The following PDCL3 variants were observed in gnomAD, a reference collection of about 807,000 sequenced individuals.
PDCL3 encodes the protein phosducin-like protein 3.
Under a neutral mutation model 26.5 loss-of-function variants are expected in PDCL3, and 22 were observed. The ratio of observed to expected loss-of-function variants is 0.83; its 90% CI spans 0.59 to 1.19. The LOEUF (loss-of-function observed/expected upper bound fraction) is 1.19, where lower values mean the gene tolerates loss of function less well. PDCL3 is among the 50% of genes most tolerant of loss of function. The pLI, the probability that PDCL3 is intolerant of heterozygous loss-of-function variation, is 0.00. For synonymous variants in PDCL3, 81 were observed against 104.9 expected (o/e 0.77, Z 1.39); for missense variants, 246 against 294.1 (o/e 0.84, Z 1.20).
chr2:100,570,760 G>T (rs1187317791), intron 4 of PDCL3, among the ~76,000 whole-genome samples: 10 of 152,056 alleles, frequency 6.6e-5, no homozygotes, highest in Non-Finnish European at 5.9e-5. Flanking sequence ...ACAGGCGTTA[G>T]CCGCTGCACC....
At chr2:100,566,461 C>T (rs1675061854) in intron 1 of PDCL3, 42 bp from the exon 2 acceptor site, 2 of 1,607,374 alleles carry the variant, frequency 1.2e-6, no homozygotes, top group African/African-American at 1.3e-5. Flanking sequence ...ACCCTACATA[C>T]TAGACTTAGC....
Position 100,566,528 on chromosome 2 carries a change from A to G in PDCL3, c.32A>G (p.Asn11Ser), listed in dbSNP as rs1345180196. 3 of 1,613,036 alleles carry G rather than the reference A, an allele frequency of 1.9e-6. No individual in the cohort carries two copies. Among genetic ancestry groups the G allele is most frequent in the Non-Finnish European group, 2.5e-6 (3 of 1,179,862 alleles). Residue 11 changes from asparagine to serine, a missense_variant, in exon 2 of 6, where the codon AAT becomes AGT. Coordinates refer to ENST00000264254, the MANE Select transcript of PDCL3 (RefSeq NM_024065.5). ...GACCCCAACGCAGACACTGAATGGAATGACATCTTACGCAAAAAGGGTATC... is the reference window on the plus strand; with the variant it reads ...GACCCCAACGCAGACACTGAATGGAGTGACATCTTACGCAAAAAGGGTATC... MQDPNADTEW[N>S]DILRKKGILP...
At chr2:100,566,146 G>A (rs952205638) in intron 1 of PDCL3, among the ~76,000 whole-genome samples, 3 of 151,710 alleles carry the variant, frequency 2.0e-5, no homozygotes, top group South Asian at 2.1e-4. Context: ...CTCGTGATCC[G>A]CCTGCCTCAG....
In PDCL3 at chr2:100,569,719, A is replaced by G. The variant is rs374220238; in HGVS notation, c.366A>G (p.Gln122=). 5 of 1,609,030 alleles carry G rather than the reference A, an allele frequency of 3.1e-6. No homozygotes were observed. The African/African-American group carries it at 6.7e-5, about 22-fold the overall frequency. The change falls in exon 4 of 6, where the codon CAA becomes CAG. Residue 122 remains glutamine, a splice_region_variant and synonymous_variant. Coordinates refer to ENST00000264254, the MANE Select transcript of PDCL3 (RefSeq NM_024065.5). ...GLWVILHLYK[Q]GIPLCALINQ... is the part of the protein sequence containing the mutation. ...GGGTCATCTTGCACCTTTACAAACAAGGGTGAGCTGATCTTCCACTCCATC... is the reference window on the plus strand; with the variant it reads ...GGGTCATCTTGCACCTTTACAAACAGGGGTGAGCTGATCTTCCACTCCATC...
At chr2:100,568,564 G>A (rs1432301455) in intron 2 of PDCL3, among the ~76,000 whole-genome samples, 3 of 152,116 alleles carry the variant, frequency 2.0e-5, no homozygotes, top group Non-Finnish European at 2.9e-5. Flanking sequence ...TCTGGGAGGC[G>A]GAGGTTCTCA....
chr2:100,565,499 CT>C (rs1675045142), intron 1 of PDCL3, among the ~76,000 whole-genome samples: 1 of 151,858 alleles, frequency 6.6e-6, no homozygotes, highest in African/African-American at 2.4e-5. Context: ...TGCTCTCGAT[CT>C]CCTGACCTTG....
intron 5 of PDCL3, among the ~76,000 whole-genome samples, chr2:100,573,781 G>A (rs552509374): frequency 5.5e-4 from 83 of 151,828 alleles, no homozygotes; most frequent in Non-Finnish European, 1.0e-3. Flanking sequence ...GTTCAAAGGC[G>A]TACAGCATTT....
Position 100,576,444 on chromosome 2 carries a change from C to T in PDCL3, c.668C>T (p.Ser223Leu). 6.2e-7 allele frequency: 1 copy of T among 1,613,924 alleles called. No individual in the cohort carries two copies. The highest frequency in any genetic ancestry group is 8.5e-7 in the Non-Finnish European group (1 of 1,179,848). ...KKPIEDVLLS[S>L]VRRSVLMKRD... ...CCGATTGAAGACGTGTTGCTGTCCT[C>T]AGTGCGGCGCTCTGTCCTCATGAAG... Residue 223 changes from serine to leucine, a missense_variant, in exon 6 of 6, where the codon TCA becomes TTA. Transcript: ENST00000264254.
intron 2 of PDCL3, among the ~76,000 whole-genome samples, 154 bp downstream of exon 2, chr2:100,566,783 C>A (rs1675069938): frequency 6.6e-6 from 1 of 152,180 alleles, no homozygotes; most frequent in African/African-American, 2.4e-5. Flanking sequence ...TCACCTTCAC[C>A]TTCCTGAGCC....
chr2:100,563,584 G>T (rs1488268314), intron 1 of PDCL3: 1 of 152,710 alleles, frequency 6.5e-6, no homozygotes, highest in Non-Finnish European at 1.5e-5. Flanking sequence ...TGACCGCTCG[G>T]GTTCCAGAGC....
chr2:100,568,587 C>T (rs768345211), intron 2 of PDCL3, among the ~76,000 whole-genome samples: 32 of 152,050 alleles, frequency 2.1e-4, no homozygotes, highest in African/African-American at 6.8e-4. Flanking sequence ...GAGTCAAGAT[C>T]GCACCATTGC....
chr2:100,571,204 G>T (rs1012171030), intron 4 of PDCL3, among the ~76,000 whole-genome samples: 2 of 151,254 alleles, frequency 1.3e-5, no homozygotes, highest in Non-Finnish European at 2.9e-5. Flanking sequence ...GCCTGCCACT[G>T]CACCCAGCTA....
intron 5 of PDCL3, 117 bp downstream of exon 5, chr2:100,571,915 T>TGTATGAGTGACTGG: frequency 1.1e-6 from 1 of 943,030 alleles, no homozygotes. Flanking sequence ...CTTCTGCCTG[T>TGTATGAGTGACTGG]GTATGAGGAC....
rs111354317 is a variant in PDCL3, at chr2:100,575,415, A to T, written c.578-939A>T. Among the ~76,000 whole-genome samples, 9 of 151,984 alleles carry T rather than the reference A, an allele frequency of 5.9e-5. No individual in the cohort carries two copies. In the South Asian group the frequency reaches 1.9e-3, roughly 32 times the overall value. On this transcript the variant is annotated intron_variant, in intron 5 of 5. Coordinates refer to ENST00000264254, the MANE Select transcript of PDCL3 (RefSeq NM_024065.5). ...CTCCCAAAGTGCTGGGATTACAGGC[A>T]TGTGCCACCGCGCCCGGCCTGGTTT... is the stretch of plus-strand genomic sequence containing the variant.
At chr2:100,570,477 T>C (rs921069697) in intron 4 of PDCL3, among the ~76,000 whole-genome samples, 5 of 148,800 alleles carry the variant, frequency 3.4e-5, no homozygotes, top group African/African-American at 9.9e-5. Context: ...GGAATTTCTT[T>C]TTTTTTTTTT....
chr2:100,569,767 A>T (rs373243782), intron 4 of PDCL3, 46 bp downstream of exon 4: 13 of 1,584,448 alleles, frequency 8.2e-6, no homozygotes, highest in Non-Finnish European at 1.1e-5. Context: ...ATTTGAATTT[A>T]TGTCTTCAGG....
intron 2 of PDCL3, among the ~76,000 whole-genome samples, chr2:100,568,441 G>C (rs1249671762): frequency 6.6e-6 from 1 of 152,164 alleles, no homozygotes; most frequent in Non-Finnish European, 1.5e-5. Flanking sequence ...AGACCAGCTT[G>C]GCCAACATGG....
intron 2 of PDCL3, among the ~76,000 whole-genome samples, chr2:100,567,234 T>C (rs1228252362): frequency 6.6e-6 from 1 of 152,190 alleles, no homozygotes; most frequent in African/African-American, 2.4e-5. Flanking sequence ...ACTAGTACTT[T>C]TGTCCTCTGT....
chr2:100,571,796 A>G lies in PDCL3; in HGVS notation c.575A>G (p.Asp192Gly), dbSNP rs201530022. Residue 192 changes from aspartate (D) to glycine (G), a missense_variant and splice_region_variant, in exon 5 of 6, where the codon GAT (aspartate) becomes GGT (glycine). Physicochemically the swap from Asp to Gly is moderately conservative, Grantham distance 94. Coordinates refer to ENST00000264254, the MANE Select transcript of PDCL3 (RefSeq NM_024065.5). Reference sequence around the variant, plus strand: ...TTTGGCGGCATGAACCTGACAAGAGATGGTAAGGGCTCTGGGAGACAGGCG... The same window carrying G: ...TTTGGCGGCATGAACCTGACAAGAGGTGGTAAGGGCTCTGGGAGACAGGCG... Reference protein sequence around the residue: ...LVFGGMNLTRDELEWKLSESG... With the variant: ...LVFGGMNLTRGELEWKLSESG... 1.9e-5 allele frequency: 31 copies of G among 1,613,916 alleles called. No individual in the cohort carries two copies. The highest frequency in any genetic ancestry group is 5.1e-6 in the Non-Finnish European group (6 of 1,179,988).
Sources: gnomAD v4.1 joint callset for allele counts (sites outside exome capture counted in the v4.1 genomes callset) on GRCh38, gnomAD v4.1.1 for gene constraint, MANE v1.5 for transcripts, NCBI Gene and HGNC (gene_info 2026-07-23, HGNC 2026-07-21) for gene names.